The following ELF2 variants were observed in gnomAD, a reference collection of about 807,000 sequenced individuals.
ELF2 encodes the protein E74 like ETS transcription factor 2.
ELF2 carries 11 observed loss-of-function variants against 54.8 expected under a neutral mutation model. That is an observed-to-expected ratio of 0.20 (90% CI 0.13 to 0.33). The LOEUF is 0.33. Among genes scored for constraint, ELF2 ranks in the 10% least tolerant of loss-of-function variants. ELF2 has a pLI of 1.00. For missense variants in ELF2, 513 were observed against 703.0 expected (o/e 0.73, Z 3.06); for synonymous variants, 203 against 245.1 (o/e 0.83, Z 1.61).
At chr4:139,157,433 T>G (rs768245463) in intron 1 of ELF2, among the ~76,000 whole-genome samples, 6 of 152,016 alleles carry the variant, frequency 3.9e-5, no homozygotes, top group Non-Finnish European at 7.4e-5. Flanking sequence ...TGGGTCTCAC[T>G]CTGTCAACCA....
chr4:139,153,782 CAT>C (rs1302063958), intron 1 of ELF2, among the ~76,000 whole-genome samples: 2 of 152,158 alleles, frequency 1.3e-5, no homozygotes, highest in African/African-American at 4.8e-5. Context: ...AAAACAAAGG[CAT>C]ACTTGACTGA....
In ELF2 at chr4:139,060,480, G is replaced by C; in HGVS notation, c.1001C>G (p.Ala334Gly). ...SLSAESLLKA[A>G]SSVRSGKNSS... is the part of the protein sequence containing the mutation. ...ATTTTTTCCACTGCGAACAGAGGAT[G>C]CTGCTTTCAGGAGACTTTCTGCAGA... is the stretch of plus-strand genomic sequence containing the variant. The change falls in exon 9 of 10, where the codon GCA becomes GGA. Residue 334 changes from alanine (A) to glycine (G), a missense_variant. Physicochemically the swap from Ala to Gly is moderately conservative, Grantham distance 60. Transcript: ENST00000686138. 6.2e-7 allele frequency: 1 copy of C among 1,614,172 alleles called. No individual in the cohort carries two copies. Among genetic ancestry groups the C allele is most frequent in the Non-Finnish European group, 8.5e-7 (1 of 1,180,034 alleles).
intron 4 of ELF2, among the ~76,000 whole-genome samples, chr4:139,120,625 A>T (rs1238358257): frequency 6.6e-6 from 1 of 151,774 alleles, no homozygotes; most frequent in Non-Finnish European, 1.5e-5. Flanking sequence ...TTTTTTTTTA[A>T]GAGATGGAGT....
intron 1 of ELF2, among the ~76,000 whole-genome samples, chr4:139,148,329 T>TTA (rs1739466567): frequency 8.0e-6 from 1 of 125,724 alleles, no homozygotes; most frequent in Non-Finnish European, 1.7e-5. Flanking sequence ...TTTTTTTTTT[T>TTA]TTTTTTTTTT....
intron 4 of ELF2, among the ~76,000 whole-genome samples, chr4:139,085,269 T>G (rs1731852913): frequency 6.6e-6 from 1 of 152,224 alleles, no homozygotes; most frequent in Admixed American, 6.5e-5. Flanking sequence ...TTTCAGAATT[T>G]AATAATACAT....
At chr4:139,094,490 G>A (rs1336116594) in intron 4 of ELF2, among the ~76,000 whole-genome samples, 1 of 152,198 alleles carries the variant, frequency 6.6e-6, no homozygotes, top group African/African-American at 2.4e-5. Flanking sequence ...AGGTAACGTG[G>A]TGGATGTTTA....
intron 1 of ELF2, among the ~76,000 whole-genome samples, 184 bp downstream of exon 1, chr4:139,176,783 T>A (rs1742992779): frequency 6.6e-6 from 1 of 150,896 alleles, no homozygotes; most frequent in Non-Finnish European, 1.5e-5. Flanking sequence ...CTCAGCCCCC[T>A]TCCCCCAGCC....
Position 139,071,920 on chromosome 4 carries a change from T to C in ELF2, c.472A>G (p.Thr158Ala). 1 of 1,613,020 alleles carries C rather than the reference T, an allele frequency of 6.2e-7. No homozygotes were observed. The highest frequency in any genetic ancestry group is 8.5e-7 in the Non-Finnish European group (1 of 1,179,818). Residue 158 changes from threonine to alanine, a missense_variant, in exon 6 of 10, where the codon ACC (threonine) becomes GCC (alanine). Physicochemically the swap from Thr to Ala is moderately conservative, Grantham distance 58. Around this residue, in one of 3 missense-constraint regions of ELF2, gnomAD observed 203 missense variants for 245.9 expected, o/e 0.83. Transcript: ENST00000686138. ...VSTEESEPMD[T>A]SPIPTSPDSH... ...TCTGGTGATGTTGGAATAGGAGAGGTATCCATGGGTTCAGACTCTTCAGTT... is the reference window on the plus strand; with the variant it reads ...TCTGGTGATGTTGGAATAGGAGAGGCATCCATGGGTTCAGACTCTTCAGTT...
intron 4 of ELF2, among the ~76,000 whole-genome samples, chr4:139,088,237 A>C (rs576322889): frequency 6.8e-6 from 1 of 148,130 alleles, no homozygotes; most frequent in East Asian, 2.0e-4. Flanking sequence ...CAGTGAGCTG[A>C]GATCACGCCA....
intron 4 of ELF2, among the ~76,000 whole-genome samples, chr4:139,079,016 T>C (rs556223011): frequency 1.3e-5 from 2 of 152,178 alleles, no homozygotes; most frequent in East Asian, 3.9e-4. Context: ...GTAGCTTAGA[T>C]CTCCTGGGGT....
intron 9 of ELF2, 24 bp from the exon 10 acceptor site, chr4:139,059,631 C>G (rs892451904): frequency 6.3e-7 from 1 of 1,588,496 alleles, no homozygotes; most frequent in East Asian, 2.2e-5. Flanking sequence ...AAGAAAAAAG[C>G]TGATTATATT....
chr4:139,176,747 C>G (rs972490092), intron 1 of ELF2, among the ~76,000 whole-genome samples: 1 of 151,888 alleles, frequency 6.6e-6, no homozygotes, highest in Non-Finnish European at 1.5e-5. Flanking sequence ...CTCCAAGTCC[C>G]GCTCCGCGAC....
At chr4:139,163,589 A>C (rs544150049) in intron 1 of ELF2, among the ~76,000 whole-genome samples, 2 of 152,190 alleles carry the variant, frequency 1.3e-5, no homozygotes, top group Admixed American at 6.5e-5. Context: ...TAAGCTGTGG[A>C]AAGTTTGTGA....
intron 6 of ELF2, 52 bp downstream of exon 6, chr4:139,071,814 A>T: frequency 6.6e-7 from 1 of 1,523,856 alleles, no homozygotes. Flanking sequence ...GAGGAAAAAG[A>T]TAAGAGAAAA....
intron 4 of ELF2, among the ~76,000 whole-genome samples, chr4:139,085,579 T>G (rs1157811169): frequency 6.6e-6 from 1 of 152,182 alleles, no homozygotes; most frequent in African/African-American, 2.4e-5. Flanking sequence ...TTCTCATTTC[T>G]CCTAATATTC....
intron 4 of ELF2, chr4:139,084,410 A>AGGGGCAGGGGCGGCAGGGGCAGGGG: frequency 7.7e-7 from 1 of 1,298,946 alleles, no homozygotes. Flanking sequence ...CCACCACCTA[A>AGGGGCAGGGGCGGCAGGGGCAGGGG]CGGCAGGGGC....
intron 1 of ELF2, chr4:139,155,162 C>T (rs1042293672): frequency 6.6e-6 from 1 of 152,390 alleles, no homozygotes; most frequent in Non-Finnish European, 1.5e-5. Context: ...TGTGGTGGCA[C>T]ACCCATGCAG....
chr4:139,077,612 A>G (rs1214885911), intron 4 of ELF2, among the ~76,000 whole-genome samples: 5 of 152,214 alleles, frequency 3.3e-5, no homozygotes, highest in Non-Finnish European at 7.4e-5. Flanking sequence ...AGTAACTTTT[A>G]ACAGAAATTT....
rs777417459 is a variant in ELF2, at chr4:139,073,486, G to A, written c.320C>T (p.Ser107Phe). Reference protein sequence around the residue: ...EAAEALLHMESPTCLRDSRSP... With the variant: ...EAAEALLHMEFPTCLRDSRSP... ...TCTTGAATCCCTCAAGCAGGTAGGA[G>A]ATTCCATATGAAGCAGGGCTTCAGC... The change falls in exon 5 of 10, where the codon TCT (serine) becomes TTT (phenylalanine). Residue 107 changes from serine to phenylalanine, a missense_variant. By Grantham distance (155) the Ser-to-Phe change is radical. Transcript: ENST00000686138. The A allele has an allele frequency of 1.2e-6, 2 of 1,608,696 alleles. No individual in the cohort carries two copies. Among genetic ancestry groups the A allele is most frequent in the Non-Finnish European group, 1.7e-6 (2 of 1,176,398 alleles).
Sources: allele counts gnomAD v4.1 joint callset (sites outside exome capture counted in the v4.1 genomes callset), GRCh38; gene constraint gnomAD v4.1.1; regional missense constraint gnomAD v4.1.1; transcripts MANE v1.5; gene names NCBI Gene and HGNC (gene_info 2026-07-23, HGNC 2026-07-21).